The following UNC13C variants were observed in gnomAD, a reference collection of about 807,000 sequenced individuals.
The protein encoded by UNC13C is unc-13 homolog C.
UNC13C carries 174 observed loss-of-function variants against 245.4 expected under a neutral mutation model. The ratio of observed to expected loss-of-function variants is 0.71; its 90% CI spans 0.63 to 0.80. The LOEUF (loss-of-function observed/expected upper bound fraction) is 0.80, where lower values mean the gene tolerates loss of function less well. Ranked by LOEUF, UNC13C falls within the 30% of genes least tolerant of loss-of-function variation. UNC13C has a pLI of 0.00. For missense variants in UNC13C, 2,829 were observed against 2,602.9 expected (o/e 1.09, Z -1.89); for synonymous variants, 992 against 895.1 (o/e 1.11, Z -1.93).
At chr15:54,242,370 C>A (rs1319137290) in intron 7 of UNC13C, among the ~76,000 whole-genome samples, 7 of 152,030 alleles carry the variant, frequency 4.6e-5, no homozygotes, top group African/African-American at 1.7e-4. Context: ...TTAGTCTAGA[C>A]AATTTATATT....
chr15:54,426,048 C>T (rs1008429385), intron 19 of UNC13C, among the ~76,000 whole-genome samples: 1 of 151,716 alleles, frequency 6.6e-6, no homozygotes, highest in African/African-American at 2.4e-5. Flanking sequence ...TCCTGCCTCC[C>T]TCTTCCACAT....
intron 13 of UNC13C, among the ~76,000 whole-genome samples, chr15:54,307,467 T>C (rs1401852320): frequency 6.6e-6 from 1 of 151,982 alleles, no homozygotes. Context: ...ATATGAGTTT[T>C]TCATGAACAC....
At chr15:54,357,546 G>A (rs907341957) in intron 17 of UNC13C, among the ~76,000 whole-genome samples, 4 of 151,774 alleles carry the variant, frequency 2.6e-5, no homozygotes, top group Admixed American at 6.6e-5. Flanking sequence ...CATACTTTTT[G>A]TACACTGATA....
intron 14 of UNC13C, among the ~76,000 whole-genome samples, chr15:54,324,645 T>A (rs1218499840): frequency 6.6e-6 from 1 of 151,792 alleles, no homozygotes; most frequent in African/African-American, 2.4e-5. Context: ...AATGAGACCC[T>A]GTCTCTAAAA....
At chr15:53,942,102 C>A in the UNC13C span, among the ~76,000 whole-genome samples, 3 of 152,116 alleles carry the variant, frequency 2.0e-5, no homozygotes, top group Non-Finnish European at 4.4e-5. Context: ...GATACATGCA[C>A]ATGTATGTTC....
chr15:54,238,389 TCATAACCTC>T (rs1310438369), intron 7 of UNC13C, among the ~76,000 whole-genome samples: 3 of 152,078 alleles, frequency 2.0e-5, no homozygotes, highest in Non-Finnish European at 4.4e-5. Context: ...TAGCATTTAT[TCATAACCTC>T]CATAGGGTCA....
At chr15:54,610,644 T>C (rs1900037761) in intron 30 of UNC13C, among the ~76,000 whole-genome samples, 1 of 152,212 alleles carries the variant, frequency 6.6e-6, no homozygotes. Flanking sequence ...GTATTTTAAG[T>C]TCTTTTCAAG....
In UNC13C at chr15:54,425,370, G is replaced by A. The variant is rs533695424; in HGVS notation, c.4933+10303G>A. Among the ~76,000 whole-genome samples the A allele has an allele frequency of 2.6e-4, 39 of 151,918 alleles. 1 individual carries two copies. The South Asian group carries it at 5.2e-3, about 20-fold the overall frequency. On this transcript the variant is annotated intron_variant, in intron 19 of 32. Coordinates refer to ENST00000260323, the MANE Select transcript of UNC13C (RefSeq NM_001080534.3). Reference sequence around the variant, plus strand: ...CTACAATGAAGGGAGGCAACAAGTAGTAAGTGGTTTGCAAATGGGAGAATT... The same window carrying A: ...CTACAATGAAGGGAGGCAACAAGTAATAAGTGGTTTGCAAATGGGAGAATT...
chr15:54,018,001 C>G (rs1258891353), intron 2 of UNC13C, among the ~76,000 whole-genome samples: 1 of 152,106 alleles, frequency 6.6e-6, no homozygotes, highest in Non-Finnish European at 1.5e-5. Context: ...CTGAAAGGTA[C>G]CAGATTGACT....
At chr15:54,295,436 G>T (rs2037402601) in intron 11 of UNC13C, among the ~76,000 whole-genome samples, 1 of 152,034 alleles carries the variant, frequency 6.6e-6, no homozygotes, top group African/African-American at 2.4e-5. Flanking sequence ...ATTGCTTAAG[G>T]CCAGGAGTTT....
At chr15:54,393,000 C>G (rs2140916875) in intron 17 of UNC13C, 48 bp from the exon 18 acceptor site, 1 of 1,471,986 alleles carries the variant, frequency 6.8e-7, no homozygotes, top group Middle Eastern at 1.8e-4. Flanking sequence ...TAACTAAAGT[C>G]ATCCCATTTA....
In UNC13C at chr15:54,512,237, C is replaced by CTGGAGTTTATT. The variant is rs1345862703; in HGVS notation, c.5457+409_5457+419dup. 2.1e-5 allele frequency: 9 copies of CTGGAGTTTATT among 426,754 alleles called. No homozygotes were observed. The East Asian group carries it at 6.3e-4, about 30-fold the overall frequency. The allele number at this position is 426,754 out of a possible 1,614,324, so 26.4% of individuals were successfully genotyped here. On this transcript the variant is annotated intron_variant, in intron 24 of 32. Coordinates refer to ENST00000260323, the MANE Select transcript of UNC13C (RefSeq NM_001080534.3). ...TGTGGTGCTATTGGTTTTTGATGTA[C>CTGGAGTTTATT]TGGAGTTTATTTTTCACATTGAGAA... is the stretch of plus-strand genomic sequence containing the variant.
intron 17 of UNC13C, among the ~76,000 whole-genome samples, chr15:54,365,643 A>G (rs1479351068): frequency 6.6e-6 from 1 of 152,012 alleles, no homozygotes; most frequent in Admixed American, 6.6e-5. Context: ...TGTGTTAACT[A>G]TGAGCCTTGG....
intron 10 of UNC13C, among the ~76,000 whole-genome samples, chr15:54,291,572 G>T (rs115628527): frequency 0.012 from 1,896 of 151,972 alleles, 38 homozygotes; most frequent in African/African-American, 0.043. Flanking sequence ...GAATAATGGC[G>T]TCTTATAGCT....
chr15:53,845,287 T>A, the UNC13C span, among the ~76,000 whole-genome samples: 1 of 147,164 alleles, frequency 6.8e-6, no homozygotes, highest in Non-Finnish European at 1.5e-5. Context: ...ACCACACCAT[T>A]GCACTCCAGC....
intron 19 of UNC13C, among the ~76,000 whole-genome samples, chr15:54,448,985 C>G (rs1225670021): frequency 1.3e-5 from 2 of 152,140 alleles, no homozygotes; most frequent in Admixed American, 6.5e-5. Context: ...GACAAAATCC[C>G]TCAGCATTTG....
intron 16 of UNC13C, among the ~76,000 whole-genome samples, chr15:54,335,044 C>G (rs1000143403): frequency 1.3e-5 from 2 of 152,108 alleles, no homozygotes; most frequent in African/African-American, 4.8e-5. Context: ...CTCCCACCAC[C>G]TACCCCAGTA....
chr15:54,192,007 C>T (rs1050550210), intron 4 of UNC13C, among the ~76,000 whole-genome samples: 1 of 152,026 alleles, frequency 6.6e-6, no homozygotes, highest in Non-Finnish European at 1.5e-5. Flanking sequence ...GTTGCCTATC[C>T]ACTCTGATGA....
chr15:54,574,021 G>A (rs188791605), intron 30 of UNC13C, among the ~76,000 whole-genome samples: 31 of 152,218 alleles, frequency 2.0e-4, no homozygotes, highest in Admixed American at 1.2e-3. Flanking sequence ...ACGTACTTGC[G>A]CTCTTATTTT....
Sources: allele counts gnomAD v4.1 joint callset (sites outside exome capture counted in the v4.1 genomes callset), GRCh38; gene constraint gnomAD v4.1.1; transcripts MANE v1.5; gene names NCBI Gene and HGNC (gene_info 2026-07-23, HGNC 2026-07-21).